The following MYO1D variants were observed in gnomAD, a reference collection of about 807,000 sequenced individuals.
MYO1D encodes myosin ID, also known as unconventional myosin-Id.
In MYO1D, 83 loss-of-function variants were observed where a neutral mutation model predicts 122.0. The observed-to-expected ratio is 0.68, with a 90% CI of 0.57 to 0.82. The LOEUF (loss-of-function observed/expected upper bound fraction) is 0.82, where lower values mean the gene tolerates loss of function less well. MYO1D is among the 40% of genes least tolerant of loss of function. The probability of loss-of-function intolerance (pLI) is 0.00; values close to 1 mark genes in which losing one functional copy is unlikely to be tolerated. For synonymous variants in MYO1D, 464 were observed against 446.9 expected, an observed-to-expected ratio of 1.04 and a Z score of -0.48; for missense variants, 1,157 against 1,269.5, an observed-to-expected ratio of 0.91 and a Z score of 1.35.
intron 20 of MYO1D, among the ~76,000 whole-genome samples, chr17:32,633,605 T>G (rs1421783429): frequency 6.6e-6 from 1 of 152,032 alleles, no homozygotes; most frequent in Admixed American, 6.6e-5. Flanking sequence ...TGCACAAATC[T>G]CAAGTAAACA....
chr17:32,572,903 T>C (rs549003331), intron 21 of MYO1D, among the ~76,000 whole-genome samples: 29 of 152,256 alleles, frequency 1.9e-4, no homozygotes, highest in Non-Finnish European at 3.7e-4. Flanking sequence ...TCCCTAGCTA[T>C]GCTCTTTCAT....
At chr17:32,614,367 T>C (rs1442337548) in intron 20 of MYO1D, among the ~76,000 whole-genome samples, 2 of 152,086 alleles carry the variant, frequency 1.3e-5, no homozygotes, top group Non-Finnish European at 2.9e-5. Context: ...CACAGACACT[T>C]GGGTTTTTGG....
At chr17:32,843,396 T>C (rs1388391399) in intron 1 of MYO1D, among the ~76,000 whole-genome samples, 1 of 152,024 alleles carries the variant, frequency 6.6e-6, no homozygotes, top group Non-Finnish European at 1.5e-5. Context: ...AAGGAAAAAA[T>C]AGAGAAGTGT....
chr17:32,548,249 T>C (rs2086981262), intron 21 of MYO1D, among the ~76,000 whole-genome samples: 2 of 151,722 alleles, frequency 1.3e-5, no homozygotes, highest in South Asian at 4.2e-4. Flanking sequence ...TGGTCTTTTA[T>C]ATTTTTTGTC....
chr17:32,522,437 T>C (rs1910177798), intron 21 of MYO1D, among the ~76,000 whole-genome samples: 1 of 152,198 alleles, frequency 6.6e-6, no homozygotes, highest in African/African-American at 2.4e-5. Context: ...AGGCCTTAAG[T>C]TCTAGCTGCT....
intron 16 of MYO1D, among the ~76,000 whole-genome samples, chr17:32,704,850 CA>C (rs2089287094): frequency 6.6e-6 from 1 of 151,818 alleles, no homozygotes. Flanking sequence ...AAAGATATAA[CA>C]AAAAAGTATT....
intron 21 of MYO1D, among the ~76,000 whole-genome samples, chr17:32,591,060 C>T (rs551813595): frequency 3.3e-5 from 5 of 152,310 alleles, no homozygotes; most frequent in East Asian, 1.9e-4. Flanking sequence ...GAAAATCTCC[C>T]GTCATCAAGG....
At chr17:32,826,463 T>C (rs2090723757) in intron 1 of MYO1D, among the ~76,000 whole-genome samples, 1 of 152,238 alleles carries the variant, frequency 6.6e-6, no homozygotes, top group East Asian at 1.9e-4. Flanking sequence ...AGCTTAAATA[T>C]TTAGTTGCAA....
At position 32,654,507 on chromosome 17, in the gene MYO1D, C is replaced by T. The variant is rs2150950596; in HGVS notation, c.2460G>A (p.Gln820=). The change falls in exon 18 of 22, where the codon CAG becomes CAA. Residue 820 remains glutamine (Q), a synonymous_variant. Transcript: ENST00000318217. ...CAAGATAGTTGCCCTCCCAGGCCCT[C>T]TGGAGCCCGAGGTCAGCCCTTTGAC... is the stretch of plus-strand genomic sequence containing the variant. ...LKGQRADLGL[Q]RAWEGNYLAS... The T allele has an allele frequency of 1.2e-6, 2 of 1,614,014 alleles. No individual in the cohort carries two copies. Among genetic ancestry groups the T allele is most frequent in the Non-Finnish European group, 1.7e-6 (2 of 1,179,946 alleles).
intron 16 of MYO1D, among the ~76,000 whole-genome samples, chr17:32,662,574 G>A (rs770216705): frequency 5.3e-5 from 8 of 152,104 alleles, no homozygotes; most frequent in Non-Finnish European, 7.4e-5. Context: ...TCGTGAGGCT[G>A]AGGCAGGAGA....
intron 16 of MYO1D, among the ~76,000 whole-genome samples, chr17:32,661,083 GA>G (rs1295457486): frequency 6.6e-6 from 1 of 151,788 alleles, no homozygotes; most frequent in African/African-American, 2.4e-5. Flanking sequence ...TTAGCAAATT[GA>G]AAAAAACATT....
At chr17:32,810,346 T>C (rs2090558841) in intron 1 of MYO1D, among the ~76,000 whole-genome samples, 1 of 152,176 alleles carries the variant, frequency 6.6e-6, no homozygotes, top group Admixed American at 6.5e-5. Context: ...GTACAGATGG[T>C]TGGGTGTCCT....
At chr17:32,506,096 A>G (rs548051439) in intron 21 of MYO1D, among the ~76,000 whole-genome samples, 1 of 152,348 alleles carries the variant, frequency 6.6e-6, no homozygotes, top group South Asian at 2.1e-4. Context: ...TCAGACAACA[A>G]GTGCTCTGAG....
intron 14 of MYO1D, among the ~76,000 whole-genome samples, chr17:32,732,780 C>T (rs4561522): frequency 0.43 from 65,745 of 152,020 alleles, 14,828 homozygotes; most frequent in East Asian, 0.73. Flanking sequence ...CCTTTGCTTG[C>T]CACGTTGTGG....
At chr17:32,542,686 T>C (rs1910874854) in intron 21 of MYO1D, among the ~76,000 whole-genome samples, 1 of 150,948 alleles carries the variant, frequency 6.6e-6, no homozygotes, top group Non-Finnish European at 1.5e-5. Context: ...CCCGTATCAA[T>C]GGTATTTCAG....
intron 15 of MYO1D, among the ~76,000 whole-genome samples, chr17:32,712,795 A>C (rs1354224969): frequency 2.0e-5 from 3 of 152,234 alleles, no homozygotes; most frequent in Non-Finnish European, 4.4e-5. Context: ...CCTCTCATTA[A>C]GGCAGCTCAC....
At chr17:32,708,778 G>C (rs1237943124) in intron 16 of MYO1D, among the ~76,000 whole-genome samples, 1 of 152,196 alleles carries the variant, frequency 6.6e-6, no homozygotes, top group Non-Finnish European at 1.5e-5. Context: ...CTGTCTCACA[G>C]AGAAGACTGG....
At chr17:32,854,744 G>T (rs1261692512) in intron 1 of MYO1D, among the ~76,000 whole-genome samples, 1 of 152,160 alleles carries the variant, frequency 6.6e-6, no homozygotes, top group African/African-American at 2.4e-5. Flanking sequence ...ATTAGAAAGT[G>T]ATTTGAGAAG....
intron 19 of MYO1D, among the ~76,000 whole-genome samples, chr17:32,643,237 A>G (rs1430396588): frequency 6.6e-6 from 1 of 152,142 alleles, no homozygotes; most frequent in Admixed American, 6.5e-5. Flanking sequence ...ACTGATTTGC[A>G]TATGTTGAAC....
Sources: allele counts gnomAD v4.1 joint callset (sites outside exome capture counted in the v4.1 genomes callset), GRCh38; gene constraint gnomAD v4.1.1; transcripts MANE v1.5; gene names NCBI Gene and HGNC (gene_info 2026-07-23, HGNC 2026-07-21).